FGFR1: variants seen among roughly 807,000 people sequenced by gnomAD.
The protein encoded by FGFR1 is fibroblast growth factor receptor 1.
FGFR1 carries 18 observed loss-of-function variants against 93.7 expected under a neutral mutation model. The observed-to-expected ratio is 0.19, with a 90% CI of 0.13 to 0.28. The LOEUF is 0.28. Ranked by LOEUF, FGFR1 falls within the 10% of genes least tolerant of loss-of-function variation. FGFR1 has a pLI of 1.00. For synonymous variants in FGFR1, 448 were observed against 429.3 expected (o/e 1.04, Z -0.54); for missense variants, 731 against 1,080.4 (o/e 0.68, Z 4.53).
chr8:38,447,520 C>T (rs895918493), intron 2 of FGFR1, among the ~76,000 whole-genome samples: 1 of 152,122 alleles, frequency 6.6e-6, no homozygotes, highest in East Asian at 1.9e-4. Context: ...GTTGCTCTGT[C>T]GCCCAGGATG....
At chr8:38,425,171 C>T (rs1820301406) in intron 6 of FGFR1, among the ~76,000 whole-genome samples, 1 of 151,646 alleles carries the variant, frequency 6.6e-6, no homozygotes, top group Non-Finnish European at 1.5e-5. Context: ...GGCAGGGTCT[C>T]ACTCTGTCAC....
intron 2 of FGFR1, among the ~76,000 whole-genome samples, chr8:38,449,661 C>G (rs1318289042): frequency 7.3e-6 from 1 of 136,776 alleles, no homozygotes; most frequent in East Asian, 2.1e-4. Context: ...ACAGCCCCCA[C>G]CCCACCTTTT....
rs1814746324 is a variant in FGFR1 at position 38,412,632 on chromosome 8, G to GGGAA, written c.*995_*996insTTCC. 4.3e-6 allele frequency: 1 copy of GGGAA among 233,698 alleles called. No individual in the cohort carries two copies. Among genetic ancestry groups the GGGAA allele is most frequent in the African/African-American group, 2.2e-5 (1 of 45,462 alleles). 14.5% of individuals were successfully genotyped at this position (233,698 alleles called of 1,614,324 possible). ...AGGTTACAAGGAACCTGCGCCGGGA[G>GGGAA]CATGCGGTGCCCTCGGGACAGACCT... On this transcript the variant is annotated 3_prime_UTR_variant, in exon 18 of 18. Transcript: ENST00000447712.
intron 2 of FGFR1, among the ~76,000 whole-genome samples, chr8:38,449,949 T>G (rs1183860907): frequency 6.6e-6 from 1 of 152,194 alleles, no homozygotes; most frequent in African/African-American, 2.4e-5. Context: ...GGTGCCACAC[T>G]GGCAATGCTA....
Position 38,418,349 on chromosome 8 carries a change from T to C in FGFR1, c.1309A>G (p.Met437Val), listed in dbSNP as rs1281168958. 6.2e-7 allele frequency: 1 copy of C among 1,614,086 alleles called. No homozygotes were observed. The highest frequency in any genetic ancestry group is 2.2e-5 in the East Asian group (1 of 44,874). Residue 437 changes from methionine (M) to valine (V), a missense_variant, in exon 10 of 18, where the codon ATG becomes GTG. This residue lies in a region of FGFR1 where 146 missense variants were observed against 173.0 expected (regional missense o/e 0.84). Transcript: ENST00000447712. Reference protein sequence around the residue: ...VTVSADSSASMNSGVLLVRPS... With the variant: ...VTVSADSSASVNSGVLLVRPS... Reference sequence around the variant, plus strand: ...CGAACCAGAAGAACCCCAGAGTTCATGGATGCACTGGAGTCAGCAGACACC... The same window carrying C: ...CGAACCAGAAGAACCCCAGAGTTCACGGATGCACTGGAGTCAGCAGACACC...
chr8:38,456,013 A>G (rs1832723255), intron 2 of FGFR1, among the ~76,000 whole-genome samples: 1 of 152,132 alleles, frequency 6.6e-6, no homozygotes, highest in South Asian at 2.1e-4. Flanking sequence ...CAACATGAAT[A>G]TGCCTGCTCT....
intron 5 of FGFR1, among the ~76,000 whole-genome samples, chr8:38,427,612 T>C (rs1041711749): frequency 4.6e-5 from 7 of 152,210 alleles, no homozygotes; most frequent in Non-Finnish European, 7.3e-5. Flanking sequence ...TGGAATCTTA[T>C]ACAGTCATGA....
intron 1 of FGFR1, among the ~76,000 whole-genome samples, chr8:38,462,108 G>A (rs1053325112): frequency 7.9e-5 from 12 of 152,170 alleles, no homozygotes; most frequent in Non-Finnish European, 1.8e-4. Context: ...TGAAAAAAAT[G>A]TAAAGTATCT....
chr8:38,416,345 C>T (rs776511728), intron 12 of FGFR1, among the ~76,000 whole-genome samples: 3 of 151,922 alleles, frequency 2.0e-5, no homozygotes, highest in African/African-American at 4.8e-5. Context: ...AGTGCAGTGG[C>T]GCAATTTCGG....
intron 3 of FGFR1, chr8:38,428,864 C>T (rs1273528207): frequency 3.3e-6 from 1 of 301,254 alleles, no homozygotes; most frequent in African/African-American, 2.2e-5. Context: ...GGGCTAAACA[C>T]CCCACAGTCA....
At chr8:38,458,518 G>A (rs1247991074) in intron 1 of FGFR1, among the ~76,000 whole-genome samples, 1 of 152,046 alleles carries the variant, frequency 6.6e-6, no homozygotes, top group Non-Finnish European at 1.5e-5. Flanking sequence ...TACAGCCTAG[G>A]TGACAGAGTG....
intron 2 of FGFR1, among the ~76,000 whole-genome samples, chr8:38,454,361 C>T (rs1832052487): frequency 6.6e-6 from 1 of 152,212 alleles, no homozygotes; most frequent in East Asian, 1.9e-4. Context: ...TCTCAAACCT[C>T]AACTAGCTCC....
intron 15 of FGFR1, 103 bp from the exon 16 acceptor site, chr8:38,414,392 C>A: frequency 6.3e-7 from 1 of 1,582,206 alleles, no homozygotes; most frequent in Non-Finnish European, 8.6e-7. Context: ...GCATGGAGAA[C>A]AGATCAGCCT....
intron 7 of FGFR1, chr8:38,422,294 T>G: frequency 2.2e-6 from 1 of 457,476 alleles, no homozygotes. Context: ...AGCCAGAAGG[T>G]GAACACAGGA....
chr8:38,430,178 CAA>C, intron 2 of FGFR1: 1 of 569,318 alleles, frequency 1.8e-6, no homozygotes. Context: ...CCCACTCCTC[CAA>C]AAGTCAAAGG....
intron 7 of FGFR1, 156 bp from the exon 8 acceptor site, chr8:38,422,097 A>G: frequency 2.4e-6 from 2 of 841,290 alleles, no homozygotes; most frequent in Non-Finnish European, 3.9e-6. Context: ...ACCACCAGGC[A>G]GCAAAACCTG....
At chr8:38,444,547 C>T (rs1828691826) in intron 2 of FGFR1, among the ~76,000 whole-genome samples, 2 of 125,064 alleles carry the variant, frequency 1.6e-5, no homozygotes, top group Non-Finnish European at 3.5e-5. Flanking sequence ...TGCCACCACG[C>T]GTGGCTAAAT....
chr8:38,444,322 T>C (rs1022263283), intron 2 of FGFR1, among the ~76,000 whole-genome samples: 1 of 151,976 alleles, frequency 6.6e-6, no homozygotes, highest in Non-Finnish European at 1.5e-5. Flanking sequence ...CTCACTTTTA[T>C]GCACACAACA....
intron 1 of FGFR1, among the ~76,000 whole-genome samples, chr8:38,458,682 A>G (rs17182141): frequency 0.038 from 5,826 of 152,334 alleles, 158 homozygotes; most frequent in Non-Finnish European, 0.057. Flanking sequence ...ATAACTAGTT[A>G]GTAGCTGCTG....
Sources: gnomAD v4.1 joint callset for allele counts (sites outside exome capture counted in the v4.1 genomes callset) on GRCh38, gnomAD v4.1.1 for gene constraint, gnomAD v4.1.1 regional missense constraint, MANE v1.5 for transcripts, NCBI Gene and HGNC (gene_info 2026-07-23, HGNC 2026-07-21) for gene names.